Variants in TARBP2 observed in about 807,000 individuals in gnomAD.
TARBP2 encodes the protein RISC-loading complex subunit TARBP2.
TARBP2 carries 23 observed loss-of-function variants against 40.4 expected under a neutral mutation model. That is an observed-to-expected ratio of 0.57 (90% CI 0.41 to 0.81). The LOEUF (loss-of-function observed/expected upper bound fraction) is 0.81. Among genes scored for constraint, TARBP2 ranks in the 30% least tolerant of loss-of-function variants. TARBP2 has a pLI of 0.00. For missense variants in TARBP2, 358 were observed against 473.7 expected, an observed-to-expected ratio of 0.76 and a Z score of 2.27; for synonymous variants, 183 against 190.5, an observed-to-expected ratio of 0.96 and a Z score of 0.32.
At chr12:53,501,072 C>A, upstream of TARBP2, 1 of 364,874 alleles carries the variant, frequency 2.7e-6, no homozygotes, top group South Asian at 2.9e-5. Context: ...CTTCACGGAC[C>A]GGGAGAGAGG....
chr12:53,503,668 C>G, intron 3 of TARBP2, 45 bp from the exon 4 acceptor site: 1 of 1,425,642 alleles, frequency 7.0e-7, no homozygotes. Context: ...CCTCTCTTCC[C>G]CCTATACATG....
chr12:53,502,918 G>A, intron 2 of TARBP2, 109 bp from the exon 3 acceptor site: 5 of 1,199,862 alleles, frequency 4.2e-6, no homozygotes, highest in Non-Finnish European at 5.7e-6. Context: ...AGGTTGGTCA[G>A]AAGGGGCTTG....
intron 3 of TARBP2, 42 bp from the exon 4 acceptor site, chr12:53,503,671 T>TA: frequency 1.4e-6 from 2 of 1,448,070 alleles, no homozygotes; most frequent in Non-Finnish European, 1.9e-6. Flanking sequence ...CTCTTCCCCC[T>TA]ATACATGGGT....
At position 53,505,733 on chromosome 12, in the gene TARBP2, A is replaced by C; in HGVS notation, c.826A>C (p.Ile276Leu). ...TCTACGAAATTCAGTAGGAGAGAAG[A>C]TCCTGTCCCTCCGCAGTTGCTCCCT... ...DSLRNSVGEK[I>L]LSLRSCSLGS... is the part of the protein sequence containing the mutation. The change falls in exon 8 of 9, where the codon ATC (isoleucine) becomes CTC (leucine). Residue 276 changes from isoleucine (I) to leucine (L), a missense_variant. Transcript: ENST00000266987. This position sits in a 1 kb window ranked among gnomAD's most constrained non-coding sequence, Gnocchi z 4.5. 6.2e-7 allele frequency: 1 copy of C among 1,613,984 alleles called. No individual in the cohort carries two copies. Among genetic ancestry groups the C allele is most frequent in the African/African-American group, 1.3e-5 (1 of 74,980 alleles).
intron 4 of TARBP2, chr12:53,504,041 C>T: frequency 3.4e-6 from 2 of 590,202 alleles, no homozygotes; most frequent in Non-Finnish European, 6.0e-6. Flanking sequence ...GTTTAAGGGT[C>T]TTGCAGGCCC....
intron 2 of TARBP2, chr12:53,502,808 A>C: frequency 4.6e-6 from 2 of 435,716 alleles, no homozygotes. Context: ...GTTTGAGCTC[A>C]GAAGTCCTGC....
rs770240921 is a variant in TARBP2 at position 53,505,096 on chromosome 12, TG to T, written c.614-35del. On this transcript the variant is annotated intron_variant, in intron 6 of 8. Transcript: ENST00000266987. The surrounding 1 kb of genome is among the most constrained non-coding windows in gnomAD (Gnocchi z 4.5). ...GACCTGGGTGGAAGCACTGGGTCTG[TG>T]GGGAATCATAACCCAGCAGCCCTCT... The T allele has an allele frequency of 1.0e-4, 157 of 1,573,304 alleles. No homozygotes were observed. Among genetic ancestry groups the T allele is most frequent in the Non-Finnish European group, 1.3e-4 (151 of 1,152,622 alleles).
intron 1 of TARBP2, 172 bp downstream of exon 1, chr12:53,501,633 A>G: frequency 6.9e-7 from 1 of 1,456,812 alleles, no homozygotes; most frequent in African/African-American, 1.4e-5. Flanking sequence ...CTCCAGCTCT[A>G]AATAGTTTGG....
chr12:53,503,454 C>T (rs1377446166), intron 3 of TARBP2: 7 of 577,434 alleles, frequency 1.2e-5, no homozygotes, highest in Non-Finnish European at 1.8e-5. Flanking sequence ...TTCCTTCACG[C>T]GCAGGTTGGA....
chr12:53,502,487 C>T (rs1056286239), intron 2 of TARBP2: 11 of 382,736 alleles, frequency 2.9e-5, no homozygotes, highest in African/African-American at 1.9e-4. Context: ...GAGTGCCTGG[C>T]GTGCTGGGCT....
intron 3 of TARBP2, 112 bp downstream of exon 3, chr12:53,503,241 CT>C: frequency 7.0e-7 from 1 of 1,424,138 alleles, no homozygotes; most frequent in Non-Finnish European, 9.2e-7. Flanking sequence ...GACCTGGCCT[CT>C]TCCTGAGAGT....
rs972079980 is a variant in TARBP2 at position 53,501,307 on chromosome 12, C to G, written c.-102C>G. 1.1e-5 allele frequency: 15 copies of G among 1,378,490 alleles called. No homozygotes were observed. The highest frequency in any genetic ancestry group is 1.5e-5 in the Non-Finnish European group (15 of 1,006,738). The allele number at this position is 1,378,490 out of a possible 1,614,324, so 85.4% of individuals were successfully genotyped here. A position where few individuals can be genotyped will look rare whatever the true frequency, so the allele number is the denominator to read the frequency against. On this transcript the variant is annotated 5_prime_UTR_variant, in exon 1 of 9. Transcript: ENST00000266987. ...CAGCGTGCCCCGCGGCGGGCCCTACCGGCCGCGACTCCGGGCTTGGCCCCG... is the reference window on the plus strand; with the variant it reads ...CAGCGTGCCCCGCGGCGGGCCCTACGGGCCGCGACTCCGGGCTTGGCCCCG...
chr12:53,503,278 C>A, intron 3 of TARBP2, 149 bp downstream of exon 3: 1 of 1,396,734 alleles, frequency 7.2e-7, no homozygotes, highest in Non-Finnish European at 9.3e-7. Context: ...CAGGGTTTTC[C>A]AGGGCTTCTG....
chr12:53,505,409 TG>T lies in TARBP2; in HGVS notation c.741+151del. On this transcript the variant is annotated intron_variant, in intron 7 of 8. Transcript: ENST00000266987. The surrounding 1 kb of genome is among the most constrained non-coding windows in gnomAD (Gnocchi z 4.5). ...GTTTTCCTACCAGACCCAGGGTTCC[TG>T]GGGCCGACTCAGCCTTGACTGTAGG... 7.6e-7 allele frequency: 1 copy of T among 1,317,542 alleles called. No homozygotes were observed. The allele number at this position is 1,317,542 out of a possible 1,614,324, so 81.6% of individuals were successfully genotyped here.
At position 53,503,703 on chromosome 12, in the gene TARBP2, C is replaced by T. The variant is rs1565899481; in HGVS notation, c.327-10C>T. The T allele has an allele frequency of 1.5e-5, 24 of 1,610,552 alleles. No individual in the cohort carries two copies. The highest frequency in any genetic ancestry group is 2.0e-5 in the Non-Finnish European group (23 of 1,176,680). On this transcript the variant is annotated splice_polypyrimidine_tract_variant and intron_variant, in intron 3 of 8. Coordinates refer to ENST00000266987, the MANE Select transcript of TARBP2 (RefSeq NM_134323.2). ...GGGTGTGAATCAAAGGCCCCCTTCC[C>T]CTCGGGAAGTTCTTTTTCTCCCCTA...
intron 1 of TARBP2, chr12:53,501,734 C>T: frequency 7.0e-7 from 1 of 1,424,754 alleles, no homozygotes; most frequent in Non-Finnish European, 9.2e-7. Flanking sequence ...CTGGCTTGCA[C>T]TGTGTCAGGG....
intron 1 of TARBP2, 62 bp downstream of exon 1, chr12:53,501,523 C>T (rs1243602148): frequency 1.9e-6 from 3 of 1,548,170 alleles, no homozygotes; most frequent in African/African-American, 1.4e-5. Context: ...GAGGGAGTAG[C>T]GGCGCGGCCC....
chr12:53,501,748 A>G (rs1943720669), intron 1 of TARBP2: 6 of 1,418,116 alleles, frequency 4.2e-6, no homozygotes, highest in Middle Eastern at 2.6e-4. Flanking sequence ...GTCAGGGGGT[A>G]TGCACTTTCA....
chr12:53,503,836 T>C (rs1439826268), intron 4 of TARBP2, 28 bp downstream of exon 4: 1 of 1,588,764 alleles, frequency 6.3e-7, no homozygotes, highest in Non-Finnish European at 8.6e-7. Context: ...CTGCCTGAGG[T>C]GGGTGGAGGA....
Sources: gnomAD v4.1 joint callset for allele counts on GRCh38, gnomAD v4.1.1 for gene constraint, Gnocchi (gnomAD v3.1) non-coding constraint, MANE v1.5 for transcripts, NCBI Gene and HGNC (gene_info 2026-07-23, HGNC 2026-07-21) for gene names.